Variants in NKAIN2 observed in about 807,000 individuals in gnomAD.
NKAIN2 encodes sodium/potassium transporting ATPase interacting 2, also known as sodium/potassium-transporting ATPase subunit beta-1-interacting protein 2.
NKAIN2 carries 14 observed loss-of-function variants against 32.6 expected under a neutral mutation model. The ratio of observed to expected loss-of-function variants is 0.43; its 90% CI spans 0.28 to 0.67. The LOEUF (loss-of-function observed/expected upper bound fraction) is 0.67. Ranked by LOEUF, NKAIN2 falls within the 30% of genes least tolerant of loss-of-function variation. The pLI, the probability that NKAIN2 is intolerant of heterozygous loss-of-function variation, is 0.17. For synonymous variants in NKAIN2, 80 were observed against 87.2 expected, an observed-to-expected ratio of 0.92 and a Z score of 0.46; for missense variants, 198 against 258.3, an observed-to-expected ratio of 0.77 and a Z score of 1.60.
intron 1 of NKAIN2, among the ~76,000 whole-genome samples, chr6:123,970,652 G>A (rs1778296099): frequency 6.6e-6 from 1 of 152,042 alleles, no homozygotes; most frequent in South Asian, 2.1e-4. Context: ...GCCAAGGAGG[G>A]CAGATTGCCT....
chr6:124,366,445 T>C (rs766251682), intron 3 of NKAIN2, among the ~76,000 whole-genome samples: 1 of 151,262 alleles, frequency 6.6e-6, no homozygotes, highest in Admixed American at 6.6e-5. Flanking sequence ...CAAAATCTTT[T>C]GACAGAAAAA....
intron 3 of NKAIN2, among the ~76,000 whole-genome samples, chr6:124,563,538 C>T (rs1305955083): frequency 6.6e-6 from 1 of 152,172 alleles, no homozygotes; most frequent in Non-Finnish European, 1.5e-5. Context: ...ATTTCCATGT[C>T]CACAGGGTCT....
At chr6:124,401,383 T>C (rs1025504953) in intron 3 of NKAIN2, among the ~76,000 whole-genome samples, 1 of 152,202 alleles carries the variant, frequency 6.6e-6, no homozygotes, top group Admixed American at 6.5e-5. Flanking sequence ...AAATCCAGCC[T>C]GCCACTGATA....
In NKAIN2 at chr6:124,670,004, T is replaced by A. The variant is rs376947042; in HGVS notation, c.474+11618T>A. Reference sequence around the variant, plus strand: ...TGGAATCATGCTGTCATCTTCACTCTGTTTTCTATCTCCTCCCATGTAGGT... The same window carrying A: ...TGGAATCATGCTGTCATCTTCACTCAGTTTTCTATCTCCTCCCATGTAGGT... On this transcript the variant is annotated intron_variant, in intron 4 of 6. Coordinates refer to ENST00000368417, the MANE Select transcript of NKAIN2 (RefSeq NM_001040214.3). Among the ~76,000 whole-genome samples, 34 of 152,212 alleles carry A rather than the reference T, an allele frequency of 2.2e-4. 1 individual carries two copies. In the East Asian group the frequency reaches 3.9e-3, roughly 17 times the overall value.
At chr6:124,453,368 C>CACACACACAG (rs1562194615) in intron 3 of NKAIN2, among the ~76,000 whole-genome samples, 1 of 147,220 alleles carries the variant, frequency 6.8e-6, no homozygotes, top group African/African-American at 2.5e-5. Context: ...CACACACACA[C>CACACACACAG]AGTTCTGAGG....
intron 1 of NKAIN2, among the ~76,000 whole-genome samples, chr6:123,865,095 G>A (rs1477322310): frequency 2.0e-5 from 3 of 152,052 alleles, no homozygotes; most frequent in African/African-American, 4.8e-5. Flanking sequence ...AAAGAAGAAA[G>A]TATTCTTTAG....
intron 1 of NKAIN2, among the ~76,000 whole-genome samples, chr6:124,056,353 G>A (rs192055061): frequency 1.3e-4 from 19 of 150,074 alleles, no homozygotes; most frequent in Admixed American, 1.1e-3. Flanking sequence ...AGTTTTTGAT[G>A]TACAAAATAT....
chr6:124,705,711 T>C (rs539153629), intron 4 of NKAIN2, among the ~76,000 whole-genome samples: 1 of 152,204 alleles, frequency 6.6e-6, no homozygotes, highest in African/African-American at 2.4e-5. Flanking sequence ...AGTTTTTTTG[T>C]AGAGTCACAG....
chr6:124,220,291 C>T (rs1296752317), intron 1 of NKAIN2, among the ~76,000 whole-genome samples: 1 of 152,086 alleles, frequency 6.6e-6, no homozygotes. Flanking sequence ...CCCCTTCCAC[C>T]ATGATTGTTC....
chr6:124,436,422 G>A (rs1583249513), intron 3 of NKAIN2, among the ~76,000 whole-genome samples: 1 of 152,070 alleles, frequency 6.6e-6, no homozygotes, highest in African/African-American at 2.4e-5. Context: ...ATAAAACACC[G>A]TGTTTTTGAT....
At chr6:124,157,250 G>GAC (rs772415964) in intron 1 of NKAIN2, among the ~76,000 whole-genome samples, 5,246 of 109,840 alleles carry the variant, frequency 0.048, 213 homozygotes, top group African/African-American at 0.11. Context: ...TGTCATAATG[G>GAC]ACACACACAC....
At chr6:124,491,128 A>G (rs564185919) in intron 3 of NKAIN2, among the ~76,000 whole-genome samples, 1 of 152,106 alleles carries the variant, frequency 6.6e-6, no homozygotes, top group South Asian at 2.1e-4. Flanking sequence ...TGCATTCTAT[A>G]TGCCAAGCAC....
At chr6:124,660,181 T>C (rs942836258) in intron 4 of NKAIN2, among the ~76,000 whole-genome samples, 2 of 152,220 alleles carry the variant, frequency 1.3e-5, no homozygotes, top group African/African-American at 2.4e-5. Flanking sequence ...ATATTCCTTC[T>C]GTAGAACTGC....
At chr6:124,509,758 C>T (rs1020557950) in intron 3 of NKAIN2, among the ~76,000 whole-genome samples, 1 of 152,184 alleles carries the variant, frequency 6.6e-6, no homozygotes, top group Non-Finnish European at 1.5e-5. Context: ...AGTTGACCCT[C>T]ACTTTTCTTG....
At chr6:124,722,222 C>G (rs947997111) in intron 4 of NKAIN2, among the ~76,000 whole-genome samples, 2 of 152,202 alleles carry the variant, frequency 1.3e-5, no homozygotes, top group Non-Finnish European at 1.5e-5. Flanking sequence ...CATCTGTTGA[C>G]AGACACTTGA....
chr6:124,635,736 G>T (rs1432465821), intron 3 of NKAIN2, among the ~76,000 whole-genome samples: 2 of 151,914 alleles, frequency 1.3e-5, no homozygotes, highest in Non-Finnish European at 2.9e-5. Flanking sequence ...TCAGCAAAAG[G>T]ACATATCAAT....
chr6:124,255,937 T>C (rs1424969904), intron 1 of NKAIN2, among the ~76,000 whole-genome samples: 1 of 152,210 alleles, frequency 6.6e-6, no homozygotes, highest in Non-Finnish European at 1.5e-5. Context: ...TTTGCTGCTC[T>C]TCAAAACCTT....
chr6:124,686,890 C>A (rs535413074), intron 4 of NKAIN2, among the ~76,000 whole-genome samples: 1 of 152,202 alleles, frequency 6.6e-6, no homozygotes, highest in Non-Finnish European at 1.5e-5. Flanking sequence ...CACCCTTCAT[C>A]TGATGGGACC....
rs5879736 is a variant in NKAIN2 at position 124,465,630 on chromosome 6, T to TAAAAA, written c.273+110295_273+110299dup. ...TGTATCCCAGGACTTAAAGTAAAGT[T>TAAAAA]AAAAAAAAAAAAAAAAGAAATTCCT... On this transcript the variant is annotated intron_variant, in intron 3 of 6. Coordinates refer to ENST00000368417, the MANE Select transcript of NKAIN2 (RefSeq NM_001040214.3). Among the ~76,000 whole-genome samples the TAAAAA allele has an allele frequency of 4.3e-3, 602 of 140,820 alleles. 3 individuals are homozygous for TAAAAA. Among genetic ancestry groups the TAAAAA allele is most frequent in the African/African-American group, 0.015 (572 of 38,236 alleles). 92.4% of individuals were successfully genotyped at this position (140,820 alleles called of 152,430 possible). A position where few individuals can be genotyped will look rare whatever the true frequency, so the allele number is the denominator to read the frequency against.
Sources: gnomAD v4.1 joint callset for allele counts (sites outside exome capture counted in the v4.1 genomes callset) on GRCh38, gnomAD v4.1.1 for gene constraint, MANE v1.5 for transcripts, NCBI Gene and HGNC (gene_info 2026-07-23, HGNC 2026-07-21) for gene names.